The following SRPK2 variants were observed in gnomAD, a reference collection of about 807,000 sequenced individuals.
The protein encoded by SRPK2 is SFRS protein kinase 2.
Under a neutral mutation model 90.8 loss-of-function variants are expected in SRPK2, and 21 were observed. The observed-to-expected ratio is 0.23, with a 90% CI of 0.16 to 0.33. The LOEUF (loss-of-function observed/expected upper bound fraction) is 0.33. Ranked by LOEUF, SRPK2 falls within the 10% of genes least tolerant of loss-of-function variation. SRPK2 has a pLI of 1.00. For synonymous variants in SRPK2, 288 were observed against 311.1 expected (o/e 0.93, Z 0.78); for missense variants, 620 against 869.0 (o/e 0.71, Z 3.60).
At chr7:105,304,012 T>C (rs757022089) in intron 2 of SRPK2, among the ~76,000 whole-genome samples, 1 of 152,198 alleles carries the variant, frequency 6.6e-6, no homozygotes, top group Admixed American at 6.5e-5. Context: ...CCTGAAAACA[T>C]GAAATTTGCA....
intron 3 of SRPK2, among the ~76,000 whole-genome samples, chr7:105,176,525 C>T (rs911017987): frequency 1.3e-5 from 2 of 151,516 alleles, no homozygotes; most frequent in African/African-American, 4.9e-5. Context: ...TATTCACAGA[C>T]AAGCCACAGA....
chr7:105,149,130 T>C, intron 7 of SRPK2, among the ~76,000 whole-genome samples: 1 of 152,268 alleles, frequency 6.6e-6, no homozygotes, highest in Middle Eastern at 3.4e-3. Context: ...GAAAGCCTCT[T>C]GCAGTTGAGA....
chr7:105,346,271 A>AC (rs1034095272), intron 2 of SRPK2, among the ~76,000 whole-genome samples: 26 of 152,120 alleles, frequency 1.7e-4, no homozygotes, highest in African/African-American at 6.3e-4. Flanking sequence ...ACCATTCTCA[A>AC]CTGCATTCAC....
chr7:105,313,713 T>G (rs902913778), intron 2 of SRPK2, among the ~76,000 whole-genome samples: 1 of 152,106 alleles, frequency 6.6e-6, no homozygotes, highest in Non-Finnish European at 1.5e-5. Context: ...ATTGCACCAC[T>G]GCACTCCAGC....
chr7:105,118,277 TTAAG>T (rs1277647662), intron 15 of SRPK2, among the ~76,000 whole-genome samples: 1 of 152,200 alleles, frequency 6.6e-6, no homozygotes, highest in Non-Finnish European at 1.5e-5. Context: ...CTAAGCTTCT[TTAAG>T]TAAGTGGAGT....
intron 2 of SRPK2, among the ~76,000 whole-genome samples, chr7:105,235,378 T>C (rs533339277): frequency 6.6e-6 from 1 of 152,364 alleles, no homozygotes; most frequent in African/African-American, 2.4e-5. Context: ...TTTACCATCA[T>C]TGTACTCATC....
chr7:105,286,321 A>G (rs1808097393), intron 2 of SRPK2, among the ~76,000 whole-genome samples: 1 of 152,204 alleles, frequency 6.6e-6, no homozygotes, highest in Non-Finnish European at 1.5e-5. Context: ...TCCCTCTACA[A>G]ATAATTTCTT....
intron 11 of SRPK2, among the ~76,000 whole-genome samples, chr7:105,139,392 T>C (rs1046415029): frequency 5.3e-5 from 8 of 152,048 alleles, no homozygotes; most frequent in South Asian, 2.1e-4. Context: ...AATGAGATGA[T>C]TTACTGGACA....
At chr7:105,271,289 A>C (rs1319935187) in intron 2 of SRPK2, among the ~76,000 whole-genome samples, 3 of 152,210 alleles carry the variant, frequency 2.0e-5, no homozygotes, top group African/African-American at 7.2e-5. Flanking sequence ...TAAACACTGG[A>C]AAGAAAAGTT....
chr7:105,379,140 C>T (rs956992310), intron 2 of SRPK2, among the ~76,000 whole-genome samples: 1 of 150,930 alleles, frequency 6.6e-6, no homozygotes, highest in Non-Finnish European at 1.5e-5. Context: ...AAAGCAAGAC[C>T]CAGTCTCTAA....
intron 2 of SRPK2, among the ~76,000 whole-genome samples, chr7:105,314,714 T>C (rs745961463): frequency 6.6e-6 from 1 of 152,180 alleles, no homozygotes; most frequent in Non-Finnish European, 1.5e-5. Flanking sequence ...CCGGCTGACA[T>C]AGTAATTGGA....
intron 2 of SRPK2, chr7:105,206,628 A>G (rs967594785): frequency 6.5e-6 from 1 of 152,836 alleles, no homozygotes; most frequent in East Asian, 1.9e-4. Flanking sequence ...CAAAACATCT[A>G]GAACTGTGCT....
At chr7:105,256,482 A>G (rs6466049) in intron 2 of SRPK2, among the ~76,000 whole-genome samples, 65,005 of 151,918 alleles carry the variant, frequency 0.43, 15,428 homozygotes, top group Non-Finnish European at 0.53. Flanking sequence ...CAGCCTCCTG[A>G]ATTGTTGGGA....
At chr7:105,376,682 C>T (rs563794932) in intron 2 of SRPK2, among the ~76,000 whole-genome samples, 3 of 151,576 alleles carry the variant, frequency 2.0e-5, no homozygotes, top group East Asian at 3.9e-4. Context: ...GGATTACAGG[C>T]GTGCACCACC....
chr7:105,255,356 C>G (rs908028451), intron 2 of SRPK2, among the ~76,000 whole-genome samples: 1 of 151,944 alleles, frequency 6.6e-6, no homozygotes, highest in African/African-American at 2.4e-5. Flanking sequence ...CCATCATAAC[C>G]TTCTACTGTG....
rs183124863 is a variant in SRPK2, at chr7:105,373,468, T to A, written c.71+15180A>T. Reference sequence around the variant, plus strand: ...CCCAGGATGGAGTGCAGCGGCATGATCTTGGCTCACTTCGACCTCCACCTC... The same window carrying A: ...CCCAGGATGGAGTGCAGCGGCATGAACTTGGCTCACTTCGACCTCCACCTC... On this transcript the variant is annotated intron_variant, in intron 2 of 15. Coordinates refer to ENST00000393651, the MANE Select transcript of SRPK2 (RefSeq NM_182692.3). Among the ~76,000 whole-genome samples, 275 of 149,778 alleles carry A rather than the reference T, an allele frequency of 1.8e-3. 1 individual carries two copies. The highest frequency in any genetic ancestry group is 6.5e-3 in the African/African-American group (265 of 40,842).
At chr7:105,317,360 T>C (rs150577346) in intron 2 of SRPK2, among the ~76,000 whole-genome samples, 1 of 152,234 alleles carries the variant, frequency 6.6e-6, no homozygotes, top group African/African-American at 2.4e-5. Flanking sequence ...AATCTCAATG[T>C]TGAGTTGACA....
intron 3 of SRPK2, among the ~76,000 whole-genome samples, chr7:105,171,212 T>C (rs1301297336): frequency 6.6e-6 from 1 of 152,166 alleles, no homozygotes; most frequent in East Asian, 1.9e-4. Context: ...TTCGCATTTT[T>C]AAGCAGAATA....
At position 105,307,672 on chromosome 7, in the gene SRPK2, AG is replaced by A. The variant is rs568179805; in HGVS notation, c.71+80975del. On this transcript the variant is annotated intron_variant, in intron 2 of 15. Coordinates refer to ENST00000393651, the MANE Select transcript of SRPK2 (RefSeq NM_182692.3). ...GTAAATATGACTTCCTACAGAATCC[AG>A]GTAAGTTTATGTTAAAAGTGTATAA... 5.9e-5 allele frequency among the ~76,000 whole-genome samples: 9 copies of A among 152,372 alleles called. No homozygotes were observed. In the South Asian group the frequency reaches 1.9e-3, roughly 32 times the overall value.
Sources: allele counts gnomAD v4.1 joint callset (sites outside exome capture counted in the v4.1 genomes callset), GRCh38; gene constraint gnomAD v4.1.1; transcripts MANE v1.5; gene names NCBI Gene and HGNC (gene_info 2026-07-23, HGNC 2026-07-21).